The following HOXC4 variants were observed in gnomAD, a reference collection of about 807,000 sequenced individuals.
The protein encoded by HOXC4 is homeobox protein Hox-C4.
Under a neutral mutation model 25.5 loss-of-function variants are expected in HOXC4, and 15 were observed. The ratio of observed to expected loss-of-function variants is 0.59; its 90% CI spans 0.39 to 0.91. The LOEUF is 0.91. HOXC4 is among the 40% of genes least tolerant of loss of function. The pLI is 0.00. For missense variants in HOXC4, 342 were observed against 352.4 expected, an observed-to-expected ratio of 0.97 and a Z score of 0.24; for synonymous variants, 165 against 148.0, an observed-to-expected ratio of 1.11 and a Z score of -0.83.
chr12:54,034,867 G>A, intron 1 of HOXC4: 1 of 286,726 alleles, frequency 3.5e-6, no homozygotes, highest in South Asian at 4.0e-5. Context: ...CCCGGCCCGC[G>A]CCACAGGACC....
At chr12:54,049,493 G>T (rs1033122164), upstream of HOXC4, among the ~76,000 whole-genome samples, 4 of 149,832 alleles carry the variant, frequency 2.7e-5, no homozygotes, top group African/African-American at 9.8e-5. Flanking sequence ...ACAAACAAGA[G>T]AAATTCATCT....
At chr12:54,034,409 G>C in intron 1 of HOXC4, 1 of 1,614,114 alleles carries the variant, frequency 6.2e-7, no homozygotes, top group Non-Finnish European at 8.5e-7. Flanking sequence ...GTGTCTCAAT[G>C]AGAGACAGAT....
intron 1 of HOXC4, among the ~76,000 whole-genome samples, chr12:54,038,472 G>T (rs1423869851): frequency 2.0e-5 from 3 of 152,226 alleles, no homozygotes; most frequent in Non-Finnish European, 4.4e-5. Flanking sequence ...GGGGAGAAAG[G>T]CAGGGAAGGA....
chr12:54,028,267 A>ATATT (rs3031476), intron 1 of HOXC4: 133 of 75,622 alleles, frequency 1.8e-3, no homozygotes, highest in East Asian at 3.1e-3. Context: ...ATATATATAT[A>ATATT]TTTTTTAAAA....
intron 1 of HOXC4, among the ~76,000 whole-genome samples, chr12:54,037,407 C>T (rs1941203564): frequency 6.6e-6 from 1 of 152,090 alleles, no homozygotes; most frequent in African/African-American, 2.4e-5. Context: ...TCCACTTTGC[C>T]CTGGAACCCA....
At chr12:54,033,585 T>C (rs994655859) in intron 1 of HOXC4, 1 of 1,548,390 alleles carries the variant, frequency 6.5e-7, no homozygotes, top group Non-Finnish European at 8.7e-7. Flanking sequence ...CGGTAAACTT[T>C]AGGACTTCAT....
intron 1 of HOXC4, chr12:54,028,422 T>C: frequency 7.5e-7 from 1 of 1,332,806 alleles, no homozygotes; most frequent in Non-Finnish European, 1.0e-6. Flanking sequence ...TTGTCTGTCC[T>C]GGATTGGAGC....
At chr12:54,023,466 T>G (rs12426706) in intron 1 of HOXC4, among the ~76,000 whole-genome samples, 4 of 152,154 alleles carry the variant, frequency 2.6e-5, no homozygotes, top group Admixed American at 6.5e-5. Context: ...TCCATATACC[T>G]TTCTTCTCCG....
chr12:54,038,447 C>A (rs1042926921), intron 1 of HOXC4, among the ~76,000 whole-genome samples: 2 of 152,120 alleles, frequency 1.3e-5, no homozygotes, highest in African/African-American at 4.8e-5. Context: ...GGCCAGTGGC[C>A]CAAGGTGGGA....
At chr12:54,018,782 G>A (rs1010772132) in intron 1 of HOXC4, among the ~76,000 whole-genome samples, 2 of 152,108 alleles carry the variant, frequency 1.3e-5, no homozygotes, top group African/African-American at 4.8e-5. Context: ...TATTCCAGAC[G>A]AGGTCCGAGA....
intron 1 of HOXC4, chr12:54,034,032 C>A: frequency 1.5e-6 from 1 of 685,986 alleles, no homozygotes; most frequent in East Asian, 2.9e-5. Flanking sequence ...TCTCCCTCTT[C>A]CCCCCAACCC....
intron 1 of HOXC4, 25 bp downstream of exon 1, chr12:54,054,386 C>T (rs1740085702): frequency 1.4e-6 from 2 of 1,449,676 alleles, no homozygotes; most frequent in Middle Eastern, 2.3e-4. Flanking sequence ...TTTTTGCTCC[C>T]CCCCTCCCTC....
upstream of HOXC4, among the ~76,000 whole-genome samples, chr12:54,051,554 G>C (rs151024914): frequency 2.0e-5 from 3 of 152,332 alleles, no homozygotes; most frequent in Non-Finnish European, 4.4e-5. Context: ...CCGGACAAGA[G>C]TGGGCAAGGG....
At chr12:54,026,972 G>A (rs920391689) in intron 1 of HOXC4, among the ~76,000 whole-genome samples, 1 of 138,902 alleles carries the variant, frequency 7.2e-6, no homozygotes, top group Non-Finnish European at 1.6e-5. Context: ...GGTGGGGGGG[G>A]GGGGATATGA....
chr12:54,054,180 G>T lies in HOXC4; in HGVS notation c.258G>T (p.Ala86=). 6.2e-7 allele frequency: 1 copy of T among 1,613,470 alleles called. No individual in the cohort carries two copies. Among genetic ancestry groups the T allele is most frequent in the Non-Finnish European group, 8.5e-7 (1 of 1,179,734 alleles). ...CGCGAGGCCACGGGCCGGCCCAGGCGGGCCACCACCACCCCGAGAAATCAC... is the reference window on the plus strand; with the variant it reads ...CGCGAGGCCACGGGCCGGCCCAGGCTGGCCACCACCACCCCGAGAAATCAC... ...GNSRGHGPAQ[A]GHHHPEKSQS... Residue 86 remains alanine (A), a synonymous_variant, in exon 1 of 2, where the codon GCG becomes GCT. Coordinates refer to ENST00000430889, the MANE Select transcript of HOXC4 (RefSeq NM_153633.3).
chr12:54,033,255 T>G (rs1941056901), intron 1 of HOXC4: 2 of 1,614,166 alleles, frequency 1.2e-6, no homozygotes, highest in Non-Finnish European at 1.7e-6. Context: ...CGGATTGGAC[T>G]TAAGCATCAC....
chr12:54,030,651 A>G (rs1940951500), intron 1 of HOXC4: 1 of 152,656 alleles, frequency 6.6e-6, no homozygotes, highest in African/African-American at 2.4e-5. Context: ...CAAAAAAGGA[A>G]AAAAAAGAGG....
At chr12:54,053,722 C>G (rs1466977066), upstream of HOXC4, among the ~76,000 whole-genome samples, 1 of 151,870 alleles carries the variant, frequency 6.6e-6, no homozygotes, top group African/African-American at 2.4e-5. Flanking sequence ...CCCAGCACCA[C>G]CACCACCACA....
intron 1 of HOXC4, among the ~76,000 whole-genome samples, chr12:54,045,375 A>G (rs1334487470): frequency 1.3e-5 from 2 of 152,214 alleles, no homozygotes; most frequent in African/African-American, 4.8e-5. Flanking sequence ...TAGTGGTTGG[A>G]TGTATATGCT....
Sources: allele counts gnomAD v4.1 joint callset (sites outside exome capture counted in the v4.1 genomes callset), GRCh38; gene constraint gnomAD v4.1.1; transcripts MANE v1.5; gene names NCBI Gene and HGNC (gene_info 2026-07-23, HGNC 2026-07-21).